The following NRG1 variants were observed in gnomAD, a reference collection of about 807,000 sequenced individuals.
NRG1 encodes the protein pro-neuregulin-1, membrane-bound isoform.
NRG1 carries 18 observed loss-of-function variants against 63.8 expected under a neutral mutation model. That is an observed-to-expected ratio of 0.28 (90% CI 0.19 to 0.42). NRG1 has a LOEUF of 0.42. Ranked by LOEUF, NRG1 falls within the 10% of genes least tolerant of loss-of-function variation. NRG1 has a pLI of 1.00. For missense variants in NRG1, 762 were observed against 814.7 expected (o/e 0.94, Z 0.79); for synonymous variants, 302 against 301.3 (o/e 1.00, Z -0.02).
chr8:31,915,820 A>G (rs1301523991), intron 1 of NRG1, among the ~76,000 whole-genome samples: 1 of 152,106 alleles, frequency 6.6e-6, no homozygotes, highest in Non-Finnish European at 1.5e-5. Context: ...CATACTACAT[A>G]TATTATGTAC....
At chr8:32,346,221 A>C (rs1044932984) in intron 1 of NRG1, among the ~76,000 whole-genome samples, 52 of 147,882 alleles carry the variant, frequency 3.5e-4, no homozygotes, top group African/African-American at 1.2e-3. Context: ...AGATATATAG[A>C]TGGATAATTA....
intron 1 of NRG1, among the ~76,000 whole-genome samples, chr8:32,011,714 G>T (rs1814789320): frequency 6.6e-6 from 1 of 152,078 alleles, no homozygotes; most frequent in African/African-American, 2.4e-5. Flanking sequence ...GCAATAGAAA[G>T]TCAGGAGAAC....
exon 12 of NRG1, chr8:32,764,520 A>G: frequency 2.1e-6 from 2 of 939,144 alleles, no homozygotes; most frequent in Non-Finnish European, 3.0e-6. Context: ...AACAGGAAAA[A>G]AACTTTTATA....
chr8:32,055,498 G>A (rs747771365), intron 1 of NRG1, among the ~76,000 whole-genome samples: 5 of 151,970 alleles, frequency 3.3e-5, no homozygotes, highest in Admixed American at 1.3e-4. Flanking sequence ...TGAAAATCTA[G>A]CTGCTGTTTT....
chr8:32,215,582 G>T (rs1845132682), intron 1 of NRG1, among the ~76,000 whole-genome samples: 1 of 152,154 alleles, frequency 6.6e-6, no homozygotes, highest in African/African-American at 2.4e-5. Context: ...TCAGCAACTT[G>T]CCCAAGGTCT....
At chr8:31,848,240 G>T (rs1423550831) in intron 1 of NRG1, among the ~76,000 whole-genome samples, 1 of 152,158 alleles carries the variant, frequency 6.6e-6, no homozygotes, top group African/African-American at 2.4e-5. Flanking sequence ...ATATTGGTTA[G>T]ATTTTTAAAG....
intron 1 of NRG1, among the ~76,000 whole-genome samples, chr8:31,795,272 G>C (rs1308362956): frequency 6.6e-6 from 1 of 152,118 alleles, no homozygotes; most frequent in Non-Finnish European, 1.5e-5. Context: ...TCCCCTAATC[G>C]AGACAGACAG....
At chr8:31,778,836 C>A (rs953343093) in intron 1 of NRG1, among the ~76,000 whole-genome samples, 2 of 152,188 alleles carry the variant, frequency 1.3e-5, no homozygotes, top group Non-Finnish European at 2.9e-5. Flanking sequence ...AGTGCATGTG[C>A]AGGAGGACTG....
At chr8:32,027,999 C>T (rs910363959) in intron 1 of NRG1, among the ~76,000 whole-genome samples, 1 of 152,130 alleles carries the variant, frequency 6.6e-6, no homozygotes, top group Non-Finnish European at 1.5e-5. Context: ...ATTTATTTTT[C>T]CCTCTATTTC....
chr8:31,705,229 G>T (rs895983960), intron 1 of NRG1, among the ~76,000 whole-genome samples: 82 of 151,924 alleles, frequency 5.4e-4, no homozygotes, highest in African/African-American at 1.9e-3. Flanking sequence ...TTTATTTTTA[G>T]TAGAGTTGGG....
chr8:31,786,634 G>A (rs561712881), intron 1 of NRG1, among the ~76,000 whole-genome samples: 180 of 152,216 alleles, frequency 1.2e-3, no homozygotes, highest in African/African-American at 3.9e-3. Flanking sequence ...CTTCCCCCTT[G>A]GGTTTGATTA....
chr8:32,056,591 C>G (rs1337600079), intron 1 of NRG1, among the ~76,000 whole-genome samples: 2 of 152,130 alleles, frequency 1.3e-5, no homozygotes, highest in Non-Finnish European at 2.9e-5. Context: ...ATGTGCCAAT[C>G]AAACATGTAT....
intron 1 of NRG1, 76 bp downstream of exon 1, chr8:32,548,902 G>A: frequency 1.4e-6 from 2 of 1,467,048 alleles, no homozygotes; most frequent in Non-Finnish European, 1.8e-6. Flanking sequence ...CGGATGCCGT[G>A]GCCTCTCCCT....
intron 1 of NRG1, among the ~76,000 whole-genome samples, chr8:32,015,577 A>G (rs542833336): frequency 1.6e-4 from 25 of 152,176 alleles, no homozygotes; most frequent in Non-Finnish European, 3.1e-4. Context: ...TATGTATAAC[A>G]TGGTAGTGCA....
chr8:31,749,397 A>G (rs941413461), intron 1 of NRG1, among the ~76,000 whole-genome samples: 1 of 151,916 alleles, frequency 6.6e-6, no homozygotes, highest in African/African-American at 2.4e-5. Flanking sequence ...CAAAAATGAT[A>G]CTTGCCAATC....
intron 1 of NRG1, among the ~76,000 whole-genome samples, chr8:32,211,161 C>A (rs1056436475): frequency 3.9e-5 from 6 of 152,012 alleles, no homozygotes. Context: ...CAAAAATAAG[C>A]AAAGATAAAG....
intron 5 of NRG1, among the ~76,000 whole-genome samples, chr8:32,704,929 A>AT (rs1217680989): frequency 2.0e-5 from 3 of 152,136 alleles, no homozygotes; most frequent in Non-Finnish European, 2.9e-5. Context: ...GTCATTCGAG[A>AT]TTTGTGATCA....
intron 1 of NRG1, among the ~76,000 whole-genome samples, chr8:32,173,962 A>G (rs1258109344): frequency 4.6e-5 from 7 of 152,172 alleles, no homozygotes; most frequent in Non-Finnish European, 1.0e-4. Flanking sequence ...ATATGCAGGC[A>G]TTGAACTCAG....
chr8:32,258,912 A>G (rs1850052999), intron 1 of NRG1, among the ~76,000 whole-genome samples: 2 of 152,192 alleles, frequency 1.3e-5, no homozygotes, highest in Admixed American at 6.5e-5. Context: ...ACTACATTAT[A>G]TAACCTCTTG....
Sources: allele counts gnomAD v4.1 joint callset (sites outside exome capture counted in the v4.1 genomes callset), GRCh38; gene constraint gnomAD v4.1.1; transcripts MANE v1.5; gene names NCBI Gene and HGNC (gene_info 2026-07-23, HGNC 2026-07-21).